TMEM117: variants seen among roughly 807,000 people sequenced by gnomAD.
TMEM117 encodes transmembrane protein 117.
TMEM117 carries 27 observed loss-of-function variants against 52.4 expected under a neutral mutation model. That is an observed-to-expected ratio of 0.51 (90% CI 0.38 to 0.71). The LOEUF is 0.71. Ranked by LOEUF, TMEM117 falls within the 30% of genes least tolerant of loss-of-function variation. The pLI is 0.00. For synonymous variants in TMEM117, 215 were observed against 206.3 expected (o/e 1.04, Z -0.36); for missense variants, 556 against 630.5 (o/e 0.88, Z 1.26).
chr12:43,871,352 C>T (rs1161308630), intron 2 of TMEM117, among the ~76,000 whole-genome samples: 3 of 152,190 alleles, frequency 2.0e-5, no homozygotes, highest in African/African-American at 7.2e-5. Context: ...GATCCGCCTG[C>T]CTCTGCCTCC....
At chr12:44,213,604 C>T (rs1238985569) in intron 5 of TMEM117, among the ~76,000 whole-genome samples, 5 of 152,188 alleles carry the variant, frequency 3.3e-5, no homozygotes, top group South Asian at 4.1e-4. Context: ...CCCCACTTGT[C>T]GTGGGAGGGA....
At chr12:44,223,375 T>C (rs1949816366) in intron 5 of TMEM117, among the ~76,000 whole-genome samples, 1 of 151,908 alleles carries the variant, frequency 6.6e-6, no homozygotes, top group Non-Finnish European at 1.5e-5. Context: ...TGTAGATGAC[T>C]TGAGCCTTTC....
At chr12:44,079,109 A>G (rs940667128) in intron 3 of TMEM117, among the ~76,000 whole-genome samples, 31 of 152,164 alleles carry the variant, frequency 2.0e-4, no homozygotes, top group African/African-American at 7.5e-4. Context: ...TATCCAGCCT[A>G]TCATTGATGG....
chr12:43,917,966 C>T (rs1944632766), intron 2 of TMEM117, among the ~76,000 whole-genome samples: 1 of 152,104 alleles, frequency 6.6e-6, no homozygotes, highest in Non-Finnish European at 1.5e-5. Flanking sequence ...ATTGAGTCAT[C>T]TTTACTAGTT....
In TMEM117 at chr12:43,912,507, T is replaced by TTATA. The variant is rs56170922; in HGVS notation, c.278-31677_278-31674dup. Among the ~76,000 whole-genome samples, 425 of 132,056 alleles carry TTATA rather than the reference T, an allele frequency of 3.2e-3. 27 individuals are homozygous for TTATA. The highest frequency in any genetic ancestry group is 0.014 in the African/African-American group (350 of 24,996). The allele number at this position is 132,056 out of a possible 152,430, so 86.6% of individuals were successfully genotyped here. On this transcript the variant is annotated intron_variant, in intron 2 of 7. Transcript: ENST00000266534. ...AAACTTAAAGTATAATAATAATAAT[T>TTATA]TATATATATATATATATATATATAT...
chr12:44,217,704 C>G (rs1267525305), intron 5 of TMEM117, among the ~76,000 whole-genome samples: 1 of 152,140 alleles, frequency 6.6e-6, no homozygotes, highest in African/African-American at 2.4e-5. Context: ...ATTATAATGG[C>G]TGGGCATATG....
chr12:44,030,723 C>T (rs1946620161), intron 3 of TMEM117, among the ~76,000 whole-genome samples: 1 of 152,174 alleles, frequency 6.6e-6, no homozygotes, highest in Non-Finnish European at 1.5e-5. Context: ...TCAAGGTCAA[C>T]ACCAAGGTCT....
In TMEM117 at chr12:43,906,014, A is replaced by G. The variant is rs116302024; in HGVS notation, c.278-38196A>G. 7.6e-3 allele frequency among the ~76,000 whole-genome samples: 1,163 copies of G among 152,364 alleles called. 12 individuals are homozygous for G. Among genetic ancestry groups the G allele is most frequent in the African/African-American group, 0.025 (1,059 of 41,584 alleles). ...AAATATTTATACCAGCATGCTAAAC[A>G]TACATTGTATTTTGCTGTCAATAAT... On this transcript the variant is annotated intron_variant, in intron 2 of 7. Transcript: ENST00000266534.
chr12:44,142,812 C>A (rs1316882902), intron 3 of TMEM117, among the ~76,000 whole-genome samples: 1 of 151,726 alleles, frequency 6.6e-6, no homozygotes. Context: ...AGAGAAATTG[C>A]AAAATTAGAA....
At chr12:43,809,010 G>T in the TMEM117 span, among the ~76,000 whole-genome samples, 1 of 152,070 alleles carries the variant, frequency 6.6e-6, no homozygotes, top group African/African-American at 2.4e-5. Context: ...TGCAAGTCAG[G>T]TTTGACCTAT....
intron 3 of TMEM117, among the ~76,000 whole-genome samples, chr12:44,121,427 C>A (rs1269388909): frequency 6.6e-6 from 1 of 152,126 alleles, no homozygotes; most frequent in African/African-American, 2.4e-5. Context: ...CCTCTTATTC[C>A]TCCTCCTCAG....
intron 3 of TMEM117, among the ~76,000 whole-genome samples, chr12:43,983,552 G>A (rs1438753428): frequency 0.2 from 4,879 of 24,562 alleles, 188 homozygotes; most frequent in African/African-American, 0.37. Flanking sequence ...CCAACCGTGT[G>A]TGTGTGTGTG....
At chr12:44,354,683 C>T (rs1489601392) in intron 6 of TMEM117, among the ~76,000 whole-genome samples, 2 of 151,736 alleles carry the variant, frequency 1.3e-5, no homozygotes, top group Admixed American at 6.6e-5. Flanking sequence ...ATAATAAGAG[C>T]TATCTATGAC....
chr12:44,021,583 G>A (rs1946456536), intron 3 of TMEM117, among the ~76,000 whole-genome samples: 1 of 152,090 alleles, frequency 6.6e-6, no homozygotes, highest in African/African-American at 2.4e-5. Flanking sequence ...GCCCAAATAA[G>A]CATATTTTTA....
intron 4 of TMEM117, among the ~76,000 whole-genome samples, chr12:44,185,689 A>T (rs148548652): frequency 1.3e-5 from 2 of 152,142 alleles, no homozygotes; most frequent in Non-Finnish European, 2.9e-5. Context: ...CACCATGTGC[A>T]ATGAATAGCA....
the TMEM117 span, among the ~76,000 whole-genome samples, chr12:43,814,449 C>A: frequency 6.6e-6 from 1 of 152,158 alleles, no homozygotes; most frequent in Non-Finnish European, 1.5e-5. Flanking sequence ...GATGTTATCT[C>A]ACCTAACCCT....
At chr12:44,120,002 T>A (rs1418326379) in intron 3 of TMEM117, among the ~76,000 whole-genome samples, 1 of 151,914 alleles carries the variant, frequency 6.6e-6, no homozygotes, top group Non-Finnish European at 1.5e-5. Flanking sequence ...TTAAAAGAAG[T>A]CACTTAAAAT....
Position 44,388,772 on chromosome 12 carries a change from G to C in TMEM117, c.*100G>C. 7.5e-7 allele frequency: 1 copy of C among 1,329,160 alleles called. No homozygotes were observed. Among genetic ancestry groups the C allele is most frequent in the Non-Finnish European group, 1.0e-6 (1 of 969,370 alleles). 82.3% of individuals were successfully genotyped at this position (1,329,160 alleles called of 1,614,324 possible). ...TATATGTAAGGTTTACGTAGTGTTA[G>C]GTAAAAATATGAACAATGCCACAAC... On this transcript the variant is annotated 3_prime_UTR_variant, in exon 8 of 8. Coordinates refer to ENST00000266534, the MANE Select transcript of TMEM117 (RefSeq NM_032256.3).
At chr12:43,893,167 T>C (rs1944138855) in intron 2 of TMEM117, among the ~76,000 whole-genome samples, 1 of 152,238 alleles carries the variant, frequency 6.6e-6, no homozygotes, top group African/African-American at 2.4e-5. Context: ...CTAAGTATAA[T>C]GTAAAATTCT....
Sources: allele counts gnomAD v4.1 joint callset (sites outside exome capture counted in the v4.1 genomes callset), GRCh38; gene constraint gnomAD v4.1.1; transcripts MANE v1.5; gene names NCBI Gene and HGNC (gene_info 2026-07-23, HGNC 2026-07-21).